MADD: variants seen among roughly 807,000 people sequenced by gnomAD.
The protein encoded by MADD is MAP kinase-activating death domain protein.
MADD carries 109 observed loss-of-function variants against 176.7 expected under a neutral mutation model. That is an observed-to-expected ratio of 0.62 (90% CI 0.53 to 0.72). The LOEUF is 0.72. Among genes scored for constraint, MADD ranks in the 30% least tolerant of loss-of-function variants. MADD has a pLI of 0.00. For missense variants in MADD, 1,914 were observed against 2,045.5 expected, an observed-to-expected ratio of 0.94 and a Z score of 1.24; for synonymous variants, 771 against 771.3, an observed-to-expected ratio of 1.00 and a Z score of 0.01.
chr11:47,285,400 C>G (rs1215824382), intron 13 of MADD, 51 bp from the exon 14 acceptor site: 1 of 1,611,350 alleles, frequency 6.2e-7, no homozygotes, highest in East Asian at 2.2e-5. Context: ...CCCATACTCC[C>G]AAGATCAGGT....
rs561693975 is a variant in MADD at position 47,282,872 on chromosome 11, C to A, written c.1765C>A (p.Pro589Thr). 85 of 1,614,174 alleles carry A rather than the reference C, an allele frequency of 5.3e-5. 3 individuals carry two copies. The South Asian group carries it at 8.3e-4, about 16-fold the overall frequency. The change falls in exon 10 of 33, where the codon CCT (proline) becomes ACT (threonine). Residue 589 changes from proline (P) to threonine (T), a missense_variant. Transcript: ENST00000402192. ...AAAGTGGTATGCTCATCAGCTGCAG[C>A]CTATCCACTATCGCGTCTATGACAG...
chr11:47,308,992 G>A (rs1348787752), intron 23 of MADD: 1 of 1,613,982 alleles, frequency 6.2e-7, no homozygotes. Context: ...AGGGACAAAG[G>A]ATCCATGTGG....
exon 25 of MADD, chr11:47,309,581 A>G: frequency 6.2e-7 from 1 of 1,614,140 alleles, no homozygotes; most frequent in Admixed American, 1.7e-5. Flanking sequence ...ACACTTCTGC[A>G]CAACCTCATC....
At chr11:47,286,679 C>T in intron 15 of MADD, 145 bp downstream of exon 15, 1 of 628,608 alleles carries the variant, frequency 1.6e-6, no homozygotes, top group East Asian at 2.7e-5. Context: ...CACCGCACAT[C>T]CTGGGCTCTG....
chr11:47,312,406 A>G (rs1213294908), intron 26 of MADD, among the ~76,000 whole-genome samples: 2 of 151,698 alleles, frequency 1.3e-5, no homozygotes, highest in Non-Finnish European at 2.9e-5. Flanking sequence ...GTGCCCGCCC[A>G]CCCAGCTAAT....
At chr11:47,309,562 T>A (rs752132603) in exon 25 of MADD, 2 of 1,614,088 alleles carry the variant, frequency 1.2e-6, no homozygotes, top group African/African-American at 2.7e-5. Flanking sequence ...TGAAGATCGC[T>A]TGTTGGCCAC....
exon 7 of MADD, chr11:47,279,010 C>T: frequency 6.2e-7 from 1 of 1,614,030 alleles, no homozygotes; most frequent in Non-Finnish European, 8.5e-7. Flanking sequence ...TGATTGCCCC[C>T]ACCAATGCAG....
chr11:47,292,502 CT>C (rs755016947), intron 19 of MADD, 40 bp from the exon 21 acceptor site: 99 of 1,598,996 alleles, frequency 6.2e-5, no homozygotes, highest in Non-Finnish European at 8.1e-5. Flanking sequence ...CAGCCTCTGA[CT>C]TTCTGTCTTT....
At position 47,280,036 on chromosome 11, in the gene MADD, C is replaced by G. The variant is rs1290922259; in HGVS notation, c.1290+957C>G. 5.3e-5 allele frequency among the ~76,000 whole-genome samples: 8 copies of G among 152,274 alleles called. No homozygotes were observed. In the South Asian group the frequency reaches 8.3e-4, roughly 16 times the overall value. ...AGTGAGCCAAGATTGCGCCATTGCA[C>G]TCCTGCCTGGGCCACAGAGTGAGAC... On this transcript the variant is annotated intron_variant, in intron 7 of 32. Coordinates refer to ENST00000402192, the Ensembl canonical transcript of MADD.
At chr11:47,309,165 T>C (rs954036683) in intron 23 of MADD, 116 bp from the exon 27 acceptor site, 1 of 1,555,028 alleles carries the variant, frequency 6.4e-7, no homozygotes, top group African/African-American at 1.4e-5. Context: ...TTGTGTTTCC[T>C]TTGCCCTGGA....
chr11:47,309,908 C>G (rs1594517182), intron 25 of MADD, among the ~76,000 whole-genome samples: 1 of 148,586 alleles, frequency 6.7e-6, no homozygotes. Flanking sequence ...GTGGCGCAAT[C>G]TCAGCTCACT....
chr11:47,305,057 A>G (rs2081488592), intron 22 of MADD, among the ~76,000 whole-genome samples: 1 of 152,106 alleles, frequency 6.6e-6, no homozygotes, highest in African/African-American at 2.4e-5. Flanking sequence ...TAGGCTATAG[A>G]AGTGTGGCAG....
exon 14 of MADD, chr11:47,285,457 A>C (rs755528282): frequency 1.9e-6 from 3 of 1,614,016 alleles, no homozygotes; most frequent in African/African-American, 1.3e-5. Flanking sequence ...CAAGGGCTCA[A>C]AAGCTGCTGC....
intron 15 of MADD, among the ~76,000 whole-genome samples, chr11:47,288,303 A>G (rs572510359): frequency 1.5e-4 from 23 of 152,314 alleles, no homozygotes; most frequent in African/African-American, 5.5e-4. Flanking sequence ...AGAAGCCAAC[A>G]GAAACAAACA....
intron 18 of MADD, 139 bp from the exon 20 acceptor site, chr11:47,290,471 C>A: frequency 8.0e-7 from 1 of 1,256,824 alleles, no homozygotes; most frequent in Non-Finnish European, 1.1e-6. Flanking sequence ...TTCTTTGTTA[C>A]GAAAAATAAG....
intron 22 of MADD, 87 bp from the exon 25 acceptor site, chr11:47,308,504 G>A: frequency 8.0e-6 from 7 of 876,528 alleles, no homozygotes; most frequent in African/African-American, 1.6e-5. Flanking sequence ...GGTGACTGGT[G>A]TGAGAGCCTC....
chr11:47,273,987 A>G lies in MADD; in HGVS notation c.62+11A>G. Reference sequence around the variant, plus strand: ...GATCGTAGGGGCCAGGTAACCAAGAAGAGATTGACTTTTGTCTTAATATCT... The same window carrying G: ...GATCGTAGGGGCCAGGTAACCAAGAGGAGATTGACTTTTGTCTTAATATCT... On this transcript the variant is annotated intron_variant, in intron 2 of 32. Transcript: ENST00000402192. 19 of 1,613,292 alleles carry G rather than the reference A, an allele frequency of 1.2e-5. No homozygotes were observed. The highest frequency in any genetic ancestry group is 1.6e-5 in the Non-Finnish European group (19 of 1,179,348).
At position 47,299,389 on chromosome 11, in the gene MADD, GATAA is replaced by G. The variant is rs374193780; in HGVS notation, c.3642+3337_3642+3340del. Among the ~76,000 whole-genome samples the G allele has an allele frequency of 2.5e-3, 385 of 151,746 alleles. 4 individuals carry two copies. Among genetic ancestry groups the G allele is most frequent in the African/African-American group, 8.8e-3 (364 of 41,378 alleles). ...GAGATCTTTTACCTCCTTCATAAAA[GATAA>G]ATTTCTCCTAAGAATTTATTCTTAG... On this transcript the variant is annotated intron_variant, in intron 22 of 32. Transcript: ENST00000402192.
chr11:47,298,267 A>G (rs2074745381), intron 22 of MADD, among the ~76,000 whole-genome samples: 1 of 152,258 alleles, frequency 6.6e-6, no homozygotes, highest in Non-Finnish European at 1.5e-5. Context: ...CTCTTCGCTT[A>G]GAAGAAAATC....
Sources: allele counts gnomAD v4.1 joint callset (sites outside exome capture counted in the v4.1 genomes callset), GRCh38; gene constraint gnomAD v4.1.1; transcripts MANE v1.5; gene names NCBI Gene and HGNC (gene_info 2026-07-23, HGNC 2026-07-21).